IQCH: variants seen among roughly 807,000 people sequenced by gnomAD.
IQCH encodes the protein IQ domain-containing protein H.
Under a neutral mutation model 117.0 loss-of-function variants are expected in IQCH, and 98 were observed. That is an observed-to-expected ratio of 0.84 (90% CI 0.71 to 0.99). The LOEUF is 0.99. IQCH is among the 50% of genes least tolerant of loss of function. The pLI is 0.00. For missense variants in IQCH, 1,102 were observed against 1,243.8 expected (o/e 0.89, Z 1.72); for synonymous variants, 412 against 448.2 (o/e 0.92, Z 1.02).
chr15:67,368,573 A>G (rs1031653150), intron 8 of IQCH, among the ~76,000 whole-genome samples: 3 of 152,346 alleles, frequency 2.0e-5, no homozygotes, highest in Non-Finnish European at 2.9e-5. Context: ...ACACAGTGCA[A>G]TTGCCTGGGC....
chr15:67,419,999 A>C (rs1189516115), intron 15 of IQCH, among the ~76,000 whole-genome samples: 1 of 152,232 alleles, frequency 6.6e-6, no homozygotes, highest in African/African-American at 2.4e-5. Flanking sequence ...ATAGAGACTC[A>C]CTAGGTTTTT....
intron 4 of IQCH, among the ~76,000 whole-genome samples, chr15:67,304,782 G>C (rs1967218029): frequency 6.6e-6 from 1 of 152,050 alleles, no homozygotes; most frequent in South Asian, 2.1e-4. Context: ...GTATTTCTTT[G>C]ATAGTAGGCT....
Position 67,460,461 on chromosome 15 carries a change from C to G in IQCH, c.2506-4666C>G, listed in dbSNP as rs557325521. 1.1e-4 allele frequency among the ~76,000 whole-genome samples: 16 copies of G among 152,318 alleles called. No homozygotes were observed. The South Asian group carries it at 3.1e-3, about 30-fold the overall frequency. The stretch of plus-strand genomic sequence containing the variant: ...TAAATCATCAAAAGTTCCTCACAAC[C>G]ACTGTCTCTAATTATATCAGACTAT... On this transcript the variant is annotated intron_variant, in intron 16 of 20. Coordinates refer to ENST00000335894, the MANE Select transcript of IQCH (RefSeq NM_001031715.3).
At position 67,490,434 on chromosome 15, in the gene IQCH, G is replaced by C. The variant is rs2083617325; in HGVS notation, c.2861+370G>C. 6.6e-6 allele frequency among the ~76,000 whole-genome samples: 1 copy of C among 152,088 alleles called. No homozygotes were observed. Among genetic ancestry groups the C allele is most frequent in the Admixed American group, 6.5e-5 (1 of 15,268 alleles). On this transcript the variant is annotated intron_variant, in intron 19 of 20. Transcript: ENST00000335894. This position sits in a 1 kb window ranked among gnomAD's most constrained non-coding sequence, Gnocchi z 4.9. ...TTGGCCAGGATGGTCTCGATCTCTTGACCTCGTGATGCACCCACCTGGGCC... is the reference window on the plus strand; with the variant it reads ...TTGGCCAGGATGGTCTCGATCTCTTCACCTCGTGATGCACCCACCTGGGCC...
intron 2 of IQCH, among the ~76,000 whole-genome samples, chr15:67,262,117 G>C (rs544651354): frequency 6.6e-6 from 1 of 151,912 alleles, no homozygotes; most frequent in Non-Finnish European, 1.5e-5. Context: ...AAAAATAAGA[G>C]TTGACTTTCC....
intron 4 of IQCH, among the ~76,000 whole-genome samples, chr15:67,310,677 G>A (rs568441238): frequency 2.0e-5 from 3 of 152,162 alleles, no homozygotes; most frequent in East Asian, 1.9e-4. Flanking sequence ...TTCACTGCTT[G>A]ATTTAAGTTT....
chr15:67,360,153 T>C (rs1275184816), intron 8 of IQCH: 1 of 392,398 alleles, frequency 2.5e-6, no homozygotes, highest in Non-Finnish European at 4.5e-6. Context: ...TCCTTAAAAT[T>C]TGGCTGAATC....
At chr15:67,321,604 T>G (rs1039034868) in intron 4 of IQCH, among the ~76,000 whole-genome samples, 5 of 151,070 alleles carry the variant, frequency 3.3e-5, no homozygotes, top group African/African-American at 1.2e-4. Flanking sequence ...TCTCTCTCTT[T>G]CCTTTCCCTC....
chr15:67,499,472 C>T (rs948523611), intron 20 of IQCH, among the ~76,000 whole-genome samples: 1 of 151,806 alleles, frequency 6.6e-6, no homozygotes, highest in African/African-American at 2.4e-5. Flanking sequence ...GGTGAGGATA[C>T]GGAGAAACCA....
intron 8 of IQCH, chr15:67,360,137 T>A: frequency 7.3e-6 from 3 of 409,586 alleles, no homozygotes; most frequent in East Asian, 8.0e-5. Flanking sequence ...AACAAATGAC[T>A]TAGCGTCCTT....
intron 18 of IQCH, among the ~76,000 whole-genome samples, chr15:67,482,607 G>A (rs2083369364): frequency 6.6e-6 from 1 of 152,202 alleles, no homozygotes; most frequent in Non-Finnish European, 1.5e-5. Flanking sequence ...GACTTAAAAT[G>A]TTAAATCACT....
rs1346540078 is a variant in IQCH at position 67,447,328 on chromosome 15, A to G, written c.2506-17799A>G. Among the ~76,000 whole-genome samples, 5 of 152,084 alleles carry G rather than the reference A, an allele frequency of 3.3e-5. No individual in the cohort carries two copies. In the South Asian group the frequency reaches 6.2e-4, roughly 19 times the overall value. On this transcript the variant is annotated intron_variant, in intron 16 of 20. Transcript: ENST00000335894. This position sits in a 1 kb window ranked among gnomAD's most constrained non-coding sequence, Gnocchi z 5.3. Reference sequence around the variant, plus strand: ...CATGGTAGCTGCAAGGCAGCTTTCTAAAGATTGCTGCCATCCAAAAGGATG... The same window carrying G: ...CATGGTAGCTGCAAGGCAGCTTTCTGAAGATTGCTGCCATCCAAAAGGATG...
intron 13 of IQCH, 62 bp from the exon 14 acceptor site, chr15:67,400,052 C>G: frequency 7.4e-7 from 1 of 1,359,134 alleles, no homozygotes. Flanking sequence ...TAAGTTGTTA[C>G]GATAAAAAGG....
In IQCH at chr15:67,368,286, A is replaced by C. The variant is rs1027390805; in HGVS notation, c.754-3825A>C. 2.0e-5 allele frequency among the ~76,000 whole-genome samples: 3 copies of C among 152,200 alleles called. No homozygotes were observed. The East Asian group carries it at 5.8e-4, about 29-fold the overall frequency. On this transcript the variant is annotated intron_variant, in intron 8 of 20. Coordinates refer to ENST00000335894, the MANE Select transcript of IQCH (RefSeq NM_001031715.3). ...TCCTCTAAAATTCAGGCCTGTGACT[A>C]TGCTGAATTCCGGACCGCTGATTAG...
At chr15:67,363,195 A>C (rs971474201) in intron 8 of IQCH, among the ~76,000 whole-genome samples, 5 of 151,994 alleles carry the variant, frequency 3.3e-5, no homozygotes, top group African/African-American at 9.6e-5. Context: ...AAACAAACAA[A>C]CAACCCCTGT....
chr15:67,314,570 A>G (rs1372105195), intron 4 of IQCH, among the ~76,000 whole-genome samples: 1 of 152,162 alleles, frequency 6.6e-6, no homozygotes, highest in Non-Finnish European at 1.5e-5. Flanking sequence ...AAGCAGTAAA[A>G]ACCCTTAGAA....
rs2082035349 is a variant in IQCH at position 67,432,216 on chromosome 15, A to G, written c.2505+10639A>G. Among the ~76,000 whole-genome samples the G allele has an allele frequency of 6.6e-6, 1 of 152,212 alleles. No individual in the cohort carries two copies. The highest frequency in any genetic ancestry group is 2.1e-4 in the South Asian group (1 of 4,834). The stretch of plus-strand genomic sequence containing the variant: ...ATTGGAGAGTAGTAATGGCCCTTCC[A>G]AAACATAAAGTTAGCTACAGAAAGG... On this transcript the variant is annotated intron_variant, in intron 16 of 20. Transcript: ENST00000335894. The surrounding 1 kb of genome is among the most constrained non-coding windows in gnomAD (Gnocchi z 5.0).
chr15:67,365,172 G>C lies in IQCH; in HGVS notation c.753+5287G>C, dbSNP rs4312262. On this transcript the variant is annotated intron_variant, in intron 8 of 20. Transcript: ENST00000335894. The surrounding 1 kb of genome is among the most constrained non-coding windows in gnomAD (Gnocchi z 4.4). ...TGTTGCCCAGGCTGGTCTGGAACTC[G>C]TGGACTCAAGTGATCTGCCTGCCTT... Among the ~76,000 whole-genome samples the C allele has an allele frequency of 0.69, 104,522 of 152,068 alleles. 36,321 individuals are homozygous for C. Among genetic ancestry groups the C allele is most frequent in the Middle Eastern group, 0.84 (247 of 294 alleles).
intron 20 of IQCH, among the ~76,000 whole-genome samples, chr15:67,495,467 T>A (rs1377203347): frequency 6.6e-6 from 1 of 152,244 alleles, no homozygotes; most frequent in Non-Finnish European, 1.5e-5. Flanking sequence ...CTCAAAGTGC[T>A]GGGATTACAG....
Sources: allele counts gnomAD v4.1 joint callset (sites outside exome capture counted in the v4.1 genomes callset), GRCh38; gene constraint gnomAD v4.1.1; non-coding constraint Gnocchi (gnomAD v3.1); transcripts MANE v1.5; gene names NCBI Gene and HGNC (gene_info 2026-07-23, HGNC 2026-07-21).